The following CYREN variants were observed in gnomAD, a reference collection of about 807,000 sequenced individuals.
CYREN encodes cell cycle regulator of non-homologous end joining.
A neutral mutation model predicts 9.7 loss-of-function variants in CYREN; 7 were observed. The observed-to-expected ratio is 0.72, with a 90% CI of 0.41 to 1.36. The LOEUF (loss-of-function observed/expected upper bound fraction) is 1.36, where lower values mean the gene tolerates loss of function less well. Ranked by LOEUF, CYREN falls within the 40% of genes most tolerant of loss-of-function variation. CYREN has a pLI of 0.01. For synonymous variants in CYREN, 76 were observed against 77.9 expected (o/e 0.98, Z 0.13); for missense variants, 215 against 198.1 (o/e 1.09, Z -0.51).
intron 2 of CYREN, chr7:135,129,065 A>G (rs1351689836): frequency 1.9e-6 from 3 of 1,608,496 alleles, no homozygotes; most frequent in East Asian, 2.2e-5. Context: ...TCAACTGCCC[A>G]GAACCAAAGT....
At chr7:135,172,387 G>A (rs1469807263), upstream of CYREN, among the ~76,000 whole-genome samples, 1 of 151,126 alleles carries the variant, frequency 6.6e-6, no homozygotes, top group Non-Finnish European at 1.5e-5. Context: ...TTTTGGTTTG[G>A]TATAAACGGT....
At chr7:135,110,321 G>A (rs1426668473) in intron 2 of CYREN, among the ~76,000 whole-genome samples, 1 of 152,194 alleles carries the variant, frequency 6.6e-6, no homozygotes, top group Non-Finnish European at 1.5e-5. Context: ...TTTCCTAGGG[G>A]TATGTACAGA....
intron 2 of CYREN, among the ~76,000 whole-genome samples, chr7:135,111,556 C>G (rs1289366839): frequency 6.6e-6 from 1 of 151,746 alleles, no homozygotes; most frequent in Non-Finnish European, 1.5e-5. Flanking sequence ...AAGACTTATC[C>G]TAATGTTGTA....
downstream of CYREN, chr7:135,164,656 C>T (rs1050367787): frequency 6.2e-7 from 1 of 1,613,428 alleles, no homozygotes; most frequent in South Asian, 1.1e-5. Context: ...GAGCTGGAAG[C>T]CCTGGGGGTG....
chr7:135,147,892 C>T, intron 2 of CYREN: 1 of 456,082 alleles, frequency 2.2e-6, no homozygotes, highest in South Asian at 1.5e-5. Context: ...AAGACATTTA[C>T]CTGGCTCTTT....
At chr7:135,142,746 C>A (rs964140953) in intron 2 of CYREN, among the ~76,000 whole-genome samples, 1 of 151,726 alleles carries the variant, frequency 6.6e-6, no homozygotes, top group Non-Finnish European at 1.5e-5. Flanking sequence ...AAAATAAAAA[C>A]GAAATACTTA....
chr7:135,130,484 C>A (rs1828579783), intron 2 of CYREN, among the ~76,000 whole-genome samples: 2 of 151,980 alleles, frequency 1.3e-5, no homozygotes, highest in African/African-American at 4.8e-5. Flanking sequence ...TACTTTTGTT[C>A]CACATTCTCT....
At chr7:135,098,922 T>C (rs1823337347) in intron 2 of CYREN, among the ~76,000 whole-genome samples, 1 of 152,126 alleles carries the variant, frequency 6.6e-6, no homozygotes. Flanking sequence ...ACTAAAGAGC[T>C]AAAATGTGTA....
At chr7:135,097,191 A>C (rs1411681306) in intron 2 of CYREN, among the ~76,000 whole-genome samples, 3 of 152,166 alleles carry the variant, frequency 2.0e-5, no homozygotes, top group African/African-American at 7.2e-5. Context: ...AAAGGTTACG[A>C]CTAAAATATC....
At chr7:135,103,785 A>G (rs1345503499) in intron 2 of CYREN, among the ~76,000 whole-genome samples, 1 of 152,312 alleles carries the variant, frequency 6.6e-6, no homozygotes, top group East Asian at 1.9e-4. Context: ...TAAGGAATAT[A>G]GGTTACATTT....
intron 2 of CYREN, among the ~76,000 whole-genome samples, chr7:135,112,884 TCCTCTG>T (rs1825835127): frequency 6.6e-6 from 1 of 152,182 alleles, no homozygotes; most frequent in Non-Finnish European, 1.5e-5. Context: ...TTCAAGCAAT[TCCTCTG>T]CCTCAGCCTC....
intron 2 of CYREN, among the ~76,000 whole-genome samples, chr7:135,107,938 T>A (rs778104011): frequency 6.6e-6 from 1 of 152,210 alleles, no homozygotes; most frequent in Non-Finnish European, 1.5e-5. Flanking sequence ...GTCTTCTTGT[T>A]GAATTGAGCC....
At chr7:135,106,405 TGA>T (rs1824728857) in intron 2 of CYREN, among the ~76,000 whole-genome samples, 1 of 152,206 alleles carries the variant, frequency 6.6e-6, no homozygotes, top group African/African-American at 2.4e-5. Flanking sequence ...ACTAGTTTAT[TGA>T]GAGTTTTTAA....
chr7:135,169,422 C>T (rs995800627), intron 1 of CYREN: 5 of 152,532 alleles, frequency 3.3e-5, no homozygotes, highest in African/African-American at 1.2e-4. Flanking sequence ...CCTAAAATAC[C>T]TCTTAATGGC....
downstream of CYREN, among the ~76,000 whole-genome samples, chr7:135,163,646 AAAAC>A (rs969567514): frequency 9.2e-5 from 14 of 152,332 alleles, no homozygotes; most frequent in South Asian, 4.1e-4. Flanking sequence ...CTCCATCTCA[AAAAC>A]AAACAAACAA....
Position 135,166,879 on chromosome 7 carries a change from G to A in CYREN, c.214-8C>T. 1 of 1,609,974 alleles carries A rather than the reference G, an allele frequency of 6.2e-7. No individual in the cohort carries two copies. ...CTTTTCCTGTTTGCGGCTCTGTGGA[G>A]TACGGGAAAACGCAGGCTCAACATA... On this transcript the variant is annotated splice_region_variant and splice_polypyrimidine_tract_variant and intron_variant, in intron 3 of 3. Coordinates refer to ENST00000393114, the MANE Select transcript of CYREN (RefSeq NM_024033.4).
chr7:135,148,304 C>G (rs3735002), intron 2 of CYREN: 179,042 of 348,322 alleles, frequency 0.51, 47,492 homozygotes, highest in South Asian at 0.65. Context: ...CACAGCTTAC[C>G]CAGACGTCTA....
Position 135,168,771 on chromosome 7 carries a change from C to A in CYREN, c.137+15G>T. ...TGCCAGATTCGCAGGAGTCTTCTGA[C>A]CAGAGCTGTCGCACCTTGCTGCTGC... is the stretch of plus-strand genomic sequence containing the variant. On this transcript the variant is annotated intron_variant, in intron 2 of 3. Transcript: ENST00000393114. 6.2e-7 allele frequency: 1 copy of A among 1,612,506 alleles called. No individual in the cohort carries two copies. Among genetic ancestry groups the A allele is most frequent in the Non-Finnish European group, 8.5e-7 (1 of 1,179,200 alleles).
chr7:135,168,786 C>A lies in CYREN; in HGVS notation c.137G>T (p.Arg46Ile). ...RMAAVPVAAARLPATRTVYCM... is the reference protein window; with the variant it reads ...RMAAVPVAAAILPATRTVYCM... ...AGTCTTCTGACCAGAGCTGTCGCAC[C>A]TTGCTGCTGCCACTGGCACTGCTGC... The change falls in exon 2 of 4, where the codon AGA (arginine) becomes ATA (isoleucine). Residue 46 changes from arginine (R) to isoleucine (I), a missense_variant and splice_region_variant. Physicochemically the swap from Arg to Ile is moderately conservative, Grantham distance 97. Coordinates refer to ENST00000393114, the MANE Select transcript of CYREN (RefSeq NM_024033.4). 1 of 1,613,856 alleles carries A rather than the reference C, an allele frequency of 6.2e-7. No individual in the cohort carries two copies. The highest frequency in any genetic ancestry group is 2.2e-5 in the East Asian group (1 of 44,866).
Sources: allele counts gnomAD v4.1 joint callset (sites outside exome capture counted in the v4.1 genomes callset), GRCh38; gene constraint gnomAD v4.1.1; transcripts MANE v1.5; gene names NCBI Gene and HGNC (gene_info 2026-07-23, HGNC 2026-07-21).